PTCHD4: variants seen among roughly 807,000 people sequenced by gnomAD.
The protein encoded by PTCHD4 is patched domain-containing protein 4.
PTCHD4 carries 33 observed loss-of-function variants against 58.1 expected under a neutral mutation model. That is an observed-to-expected ratio of 0.57 (90% CI 0.43 to 0.76). The LOEUF (loss-of-function observed/expected upper bound fraction) is 0.76, where lower values mean the gene tolerates loss of function less well. PTCHD4 is among the 30% of genes least tolerant of loss of function. The pLI is 0.00. For missense variants in PTCHD4, 1,058 were observed against 1,027.1 expected, an observed-to-expected ratio of 1.03 and a Z score of -0.41; for synonymous variants, 478 against 409.6, an observed-to-expected ratio of 1.17 and a Z score of -2.02.
chr6:47,992,783 T>C (rs1768329951), intron 4 of PTCHD4, among the ~76,000 whole-genome samples: 1 of 152,170 alleles, frequency 6.6e-6, no homozygotes, highest in African/African-American at 2.4e-5. Context: ...ATATGCTACG[T>C]TACTTTTGTA....
intron 3 of PTCHD4, among the ~76,000 whole-genome samples, chr6:48,054,269 G>A (rs1764333900): frequency 6.6e-6 from 1 of 152,124 alleles, no homozygotes; most frequent in Non-Finnish European, 1.5e-5. Context: ...ACTCTTAGAA[G>A]CTTAATCTTG....
intron 1 of PTCHD4, among the ~76,000 whole-genome samples, chr6:48,106,311 A>G (rs1327077624): frequency 6.6e-6 from 1 of 152,240 alleles, no homozygotes; most frequent in African/African-American, 2.4e-5. Flanking sequence ...GAAAATCAAT[A>G]GACGTAATCC....
chr6:47,944,485 CA>C (rs1201697151), intron 4 of PTCHD4, among the ~76,000 whole-genome samples: 2 of 151,992 alleles, frequency 1.3e-5, no homozygotes, highest in African/African-American at 4.8e-5. Flanking sequence ...ATTATTCCTT[CA>C]AATTATATAG....
At chr6:47,930,841 T>C (rs573287757) in intron 4 of PTCHD4, among the ~76,000 whole-genome samples, 171 of 152,226 alleles carry the variant, frequency 1.1e-3, no homozygotes, top group Non-Finnish European at 2.2e-3. Context: ...TTGCCCAGGC[T>C]GGAGGGCAGT....
chr6:47,997,308 T>G (rs1768533959), intron 4 of PTCHD4, among the ~76,000 whole-genome samples: 1 of 152,204 alleles, frequency 6.6e-6, no homozygotes, highest in Non-Finnish European at 1.5e-5. Flanking sequence ...TTATTTCTGG[T>G]AAAATTATCT....
chr6:48,108,034 T>A (rs1482711806), intron 1 of PTCHD4, among the ~76,000 whole-genome samples: 4 of 152,096 alleles, frequency 2.6e-5, no homozygotes, highest in Non-Finnish European at 5.9e-5. Flanking sequence ...ATTGTGGAAG[T>A]CAGTGTGGCG....
chr6:48,061,532 G>A (rs1268034760), intron 3 of PTCHD4, among the ~76,000 whole-genome samples: 4 of 152,118 alleles, frequency 2.6e-5, no homozygotes, highest in South Asian at 2.1e-4. Context: ...AGATCTGAGC[G>A]TCTCTAACAC....
At chr6:47,960,460 A>G (rs1561979091) in intron 4 of PTCHD4, among the ~76,000 whole-genome samples, 1 of 152,148 alleles carries the variant, frequency 6.6e-6, no homozygotes, top group Non-Finnish European at 1.5e-5. Flanking sequence ...TGTCTACAAG[A>G]AACTCACTTT....
intron 3 of PTCHD4, among the ~76,000 whole-genome samples, chr6:48,035,826 T>C (rs1053948091): frequency 1.4e-4 from 22 of 152,128 alleles, no homozygotes; most frequent in Non-Finnish European, 2.9e-5. Flanking sequence ...GCCACTGATG[T>C]TTCCTCTTAG....
intron 4 of PTCHD4, among the ~76,000 whole-genome samples, chr6:47,972,054 T>C (rs1420063416): frequency 6.6e-6 from 1 of 152,166 alleles, no homozygotes; most frequent in Admixed American, 6.6e-5. Flanking sequence ...AATATTTACA[T>C]AGTCATATTA....
At chr6:47,941,992 C>T (rs1418565009) in intron 4 of PTCHD4, among the ~76,000 whole-genome samples, 2 of 152,190 alleles carry the variant, frequency 1.3e-5, no homozygotes, top group Non-Finnish European at 2.9e-5. Context: ...CTAGCAGTCA[C>T]ATTGGAAAAT....
At chr6:48,064,792 A>G (rs566479605) in intron 3 of PTCHD4, among the ~76,000 whole-genome samples, 2 of 152,320 alleles carry the variant, frequency 1.3e-5, no homozygotes, top group South Asian at 2.1e-4. Context: ...TACAGAAAGG[A>G]TATACGATAT....
chr6:47,967,666 C>T (rs1204634667), intron 4 of PTCHD4, among the ~76,000 whole-genome samples: 1 of 152,182 alleles, frequency 6.6e-6, no homozygotes, highest in Non-Finnish European at 1.5e-5. Flanking sequence ...TAACTTGCTG[C>T]AGCACTTGTG....
intron 3 of PTCHD4, among the ~76,000 whole-genome samples, chr6:48,021,016 G>A (rs1264255254): frequency 6.6e-6 from 1 of 152,104 alleles, no homozygotes. Flanking sequence ...CCAGGCTCAA[G>A]TTCTAAGCAA....
intron 4 of PTCHD4, among the ~76,000 whole-genome samples, chr6:47,886,119 A>ATTTTTT (rs34214628): frequency 1.4e-5 from 2 of 145,908 alleles, no homozygotes; most frequent in African/African-American, 5.0e-5. Context: ...CGATGGCAAG[A>ATTTTTT]TTTTTTTTTT....
chr6:48,030,004 C>T (rs1335529939), intron 3 of PTCHD4, among the ~76,000 whole-genome samples: 1 of 151,918 alleles, frequency 6.6e-6, no homozygotes, highest in African/African-American at 2.4e-5. Context: ...GAGAAGTTAC[C>T]CAAATCTATA....
In PTCHD4 at chr6:47,865,211, T is replaced by C. The variant is rs1408519932; in HGVS notation, c.*13092A>G. 6.6e-6 allele frequency among the ~76,000 whole-genome samples: 1 copy of C among 152,082 alleles called. No homozygotes were observed. The highest frequency in any genetic ancestry group is 1.9e-4 in the East Asian group (1 of 5,136). ...TCCAGTAATTTTACATGGAAAAAAG[T>C]ATAAAAGATTAGACTGCCTATTTAT... On this transcript the variant is annotated 3_prime_UTR_variant, in exon 5 of 5. Transcript: ENST00000339488.
rs1763562688 is a variant in PTCHD4 at position 47,866,343 on chromosome 6, T to C, written c.*11960A>G. Reference sequence around the variant, plus strand: ...AGGTTGGGTCTCGCTATAGGATATATTGATTTAAGTAGTCTGGCATGAAGT... The same window carrying C: ...AGGTTGGGTCTCGCTATAGGATATACTGATTTAAGTAGTCTGGCATGAAGT... On this transcript the variant is annotated 3_prime_UTR_variant, in exon 5 of 5. Coordinates refer to ENST00000339488, the MANE Select transcript of PTCHD4 (RefSeq NM_001384253.1). Among the ~76,000 whole-genome samples, 1 of 151,908 alleles carries C rather than the reference T, an allele frequency of 6.6e-6. No individual in the cohort carries two copies. Among genetic ancestry groups the C allele is most frequent in the Non-Finnish European group, 1.5e-5 (1 of 67,886 alleles).
intron 4 of PTCHD4, among the ~76,000 whole-genome samples, chr6:47,951,435 C>A (rs1421763391): frequency 3.3e-5 from 5 of 152,120 alleles, no homozygotes. Context: ...GTGCTGGGCA[C>A]TATCTAGGTT....
Sources: gnomAD v4.1 joint callset for allele counts (sites outside exome capture counted in the v4.1 genomes callset) on GRCh38, gnomAD v4.1.1 for gene constraint, MANE v1.5 for transcripts, NCBI Gene and HGNC (gene_info 2026-07-23, HGNC 2026-07-21) for gene names.